MINAR1: variants seen among roughly 807,000 people sequenced by gnomAD.
The protein encoded by MINAR1 is major intrinsically disordered Notch2-binding receptor 1.
MINAR1 carries 40 observed loss-of-function variants against 65.1 expected under a neutral mutation model. The ratio of observed to expected loss-of-function variants is 0.61; its 90% confidence interval spans 0.48 to 0.80. MINAR1 has a LOEUF of 0.80. Ranked by LOEUF, MINAR1 falls within the 30% of genes least tolerant of loss-of-function variation. MINAR1 has a pLI of 0.00. For synonymous variants in MINAR1, 482 were observed against 449.1 expected, an observed-to-expected ratio of 1.07 and a Z score of -0.93; for missense variants, 1,128 against 1,148.0, an observed-to-expected ratio of 0.98 and a Z score of 0.25.
intron 1 of MINAR1, among the ~76,000 whole-genome samples, chr15:79,445,788 T>C (rs1251338630): frequency 6.6e-6 from 1 of 152,240 alleles, no homozygotes; most frequent in Non-Finnish European, 1.5e-5. Flanking sequence ...CCTCAGGTGA[T>C]CCACCCGCCT....
At chr15:79,411,550 C>A in the MINAR1 span, 2 of 699,358 alleles carry the variant, frequency 2.9e-6, no homozygotes, top group East Asian at 5.4e-5. Context: ...AGGGAAGACA[C>A]AGAAGCTACG....
At chr15:79,429,802 C>T (rs1026322617), upstream of MINAR1, among the ~76,000 whole-genome samples, 4 of 152,168 alleles carry the variant, frequency 2.6e-5, no homozygotes, top group African/African-American at 9.7e-5. Context: ...CACTTTTCCC[C>T]AGGTGGGGAA....
In MINAR1 at chr15:79,456,492, G is replaced by A; in HGVS notation, c.345G>A (p.Lys115=). The change falls in exon 2 of 4, where the codon AAG becomes AAA. Residue 115 remains lysine (K), a synonymous_variant. Coordinates refer to ENST00000305428, the MANE Select transcript of MINAR1 (RefSeq NM_015206.3). The part of the protein sequence containing the change: ...LPTGRQKVRK[K]EASFESCRSD... Reference sequence around the variant, plus strand: ...CGGGCCGCCAGAAGGTACGCAAGAAGGAGGCATCCTTTGAATCATGTAGGT... The same window carrying A: ...CGGGCCGCCAGAAGGTACGCAAGAAAGAGGCATCCTTTGAATCATGTAGGT... The A allele has an allele frequency of 3.1e-6, 5 of 1,614,048 alleles. No homozygotes were observed. The highest frequency in any genetic ancestry group is 4.2e-6 in the Non-Finnish European group (5 of 1,180,042).
chr15:79,431,333 G>A (rs1894430301), upstream of MINAR1, among the ~76,000 whole-genome samples: 1 of 152,202 alleles, frequency 6.6e-6, no homozygotes, highest in Non-Finnish European at 1.5e-5. Flanking sequence ...CCCAGCCACA[G>A]GGACAGGATC....
intron 1 of MINAR1, among the ~76,000 whole-genome samples, chr15:79,437,336 G>A (rs1894630742): frequency 2.0e-5 from 3 of 151,850 alleles, no homozygotes; most frequent in Admixed American, 2.0e-4. Context: ...TTGGGTGTGA[G>A]TGAGTAGTGA....
rs5813970 is a variant in MINAR1, at chr15:79,445,318, A to AC, written c.-50-10779dup. On this transcript the variant is annotated intron_variant, in intron 1 of 3. Coordinates refer to ENST00000305428, the MANE Select transcript of MINAR1 (RefSeq NM_015206.3). ...GATAAGGAAACTAAAGTACAGAGAG[A>AC]CTATAATGTGCCCCAGGGTAATAAC... Among the ~76,000 whole-genome samples, 1,003 of 152,254 alleles carry AC rather than the reference A, an allele frequency of 6.6e-3. 35 individuals are homozygous for AC. In the East Asian group the frequency reaches 0.11, roughly 16 times the overall value.
chr15:79,461,994 TCTTC>T (rs944940329), intron 2 of MINAR1, among the ~76,000 whole-genome samples: 3 of 152,254 alleles, frequency 2.0e-5, no homozygotes, highest in Non-Finnish European at 4.4e-5. Context: ...ATTCTCCTTC[TCTTC>T]CTTCTGTACA....
At chr15:79,466,746 G>C (rs1474731740) in intron 3 of MINAR1, among the ~76,000 whole-genome samples, 1 of 152,122 alleles carries the variant, frequency 6.6e-6, no homozygotes, top group African/African-American at 2.4e-5. Context: ...CATTCTCAAA[G>C]GGGTAGCTAA....
At chr15:79,452,825 GT>G (rs1895278506) in intron 1 of MINAR1, among the ~76,000 whole-genome samples, 1 of 151,076 alleles carries the variant, frequency 6.6e-6, no homozygotes, top group African/African-American at 2.4e-5. Flanking sequence ...GTGTGAAGCT[GT>G]CAGTGTGTCT....
intron 1 of MINAR1, among the ~76,000 whole-genome samples, chr15:79,453,036 C>T (rs1378586399): frequency 2.1e-5 from 3 of 145,318 alleles, no homozygotes; most frequent in Non-Finnish European, 4.6e-5. Flanking sequence ...CCCAGAGATT[C>T]CAGGCGGCTA....
chr15:79,445,827 C>T (rs1895001576), intron 1 of MINAR1, among the ~76,000 whole-genome samples: 1 of 152,180 alleles, frequency 6.6e-6, no homozygotes, highest in Admixed American at 6.5e-5. Flanking sequence ...GGATTACAGG[C>T]GTGAGCCACC....
At position 79,456,700 on chromosome 15, in the gene MINAR1, G is replaced by T; in HGVS notation, c.553G>T (p.Val185Leu). 6.2e-7 allele frequency: 1 copy of T among 1,614,174 alleles called. No homozygotes were observed. The highest frequency in any genetic ancestry group is 8.5e-7 in the Non-Finnish European group (1 of 1,180,030). ...PNFLLGVSKE[V>L]KNRAASLDRL... is the part of the protein sequence containing the mutation. Reference sequence around the variant, plus strand: ...CTTCCTGTTGGGAGTTAGCAAAGAGGTGAAAAACCGCGCCGCTTCCCTGGA... The same window carrying T: ...CTTCCTGTTGGGAGTTAGCAAAGAGTTGAAAAACCGCGCCGCTTCCCTGGA... The change falls in exon 2 of 4, where the codon GTG (valine) becomes TTG (leucine). Residue 185 changes from valine to leucine, a missense_variant. Coordinates refer to ENST00000305428, the MANE Select transcript of MINAR1 (RefSeq NM_015206.3).
At chr15:79,440,491 T>G (rs200129946) in intron 1 of MINAR1, among the ~76,000 whole-genome samples, 3 of 152,232 alleles carry the variant, frequency 2.0e-5, no homozygotes, top group Non-Finnish European at 2.9e-5. Context: ...TGGAAGAGGC[T>G]GCCTTTGGGA....
chr15:79,414,253 G>C, the MINAR1 span: 1 of 152,176 alleles, frequency 6.6e-6, no homozygotes, highest in East Asian at 1.9e-4. Flanking sequence ...AAGATAGCCA[G>C]TTTCAGATTC....
chr15:79,447,100 C>G (rs544974196), intron 1 of MINAR1, among the ~76,000 whole-genome samples: 1 of 152,216 alleles, frequency 6.6e-6, no homozygotes, highest in South Asian at 2.1e-4. Flanking sequence ...GTTGGCCAGG[C>G]TGGTCTTGAA....
chr15:79,454,755 A>T (rs1895353361), intron 1 of MINAR1, among the ~76,000 whole-genome samples: 1 of 152,232 alleles, frequency 6.6e-6, no homozygotes, highest in Non-Finnish European at 1.5e-5. Context: ...AACCTATAAA[A>T]ATAACAGTGG....
At chr15:79,437,663 AGT>A (rs1303241186) in intron 1 of MINAR1, among the ~76,000 whole-genome samples, 6 of 67,022 alleles carry the variant, frequency 9.0e-5, no homozygotes, top group African/African-American at 3.3e-4. Context: ...GTGTGTAGGT[AGT>A]GTGTGGGGTG....
chr15:79,432,297 GGTGGGCGCCGCGCGT>G (rs1257951617), upstream of MINAR1, among the ~76,000 whole-genome samples: 1 of 151,630 alleles, frequency 6.6e-6, no homozygotes, highest in Non-Finnish European at 1.5e-5. Flanking sequence ...ACTGCAGCCA[GGTGGGCGCCGCGCGT>G]GTGAGCGCCG....
Position 79,458,348 on chromosome 15 carries a change from G to T in MINAR1, c.2201G>T (p.Arg734Leu), listed in dbSNP as rs140205068. 3 of 1,613,940 alleles carry T rather than the reference G, an allele frequency of 1.9e-6. No homozygotes were observed. The highest frequency in any genetic ancestry group is 2.7e-5 in the African/African-American group (2 of 74,882). Residue 734 changes from arginine to leucine, a missense_variant, in exon 2 of 4, where the codon CGC (arginine) becomes CTC (leucine). By Grantham distance (102) the Arg-to-Leu change is moderately radical. Coordinates refer to ENST00000305428, the MANE Select transcript of MINAR1 (RefSeq NM_015206.3). The stretch of plus-strand genomic sequence containing the variant: ...ATCTCCAACTCGCCCAGAGACTGGC[G>T]CACCATCACTTATACCAACCGTGTG... ...ASISNSPRDW[R>L]TITYTNRVGL...
Sources: allele counts gnomAD v4.1 joint callset (sites outside exome capture counted in the v4.1 genomes callset), GRCh38; gene constraint gnomAD v4.1.1; transcripts MANE v1.5; gene names NCBI Gene and HGNC (gene_info 2026-07-23, HGNC 2026-07-21).